Variants in ROCK2 observed in about 807,000 individuals in gnomAD.
ROCK2 encodes rho-associated protein kinase 2.
In ROCK2, 61 loss-of-function variants were observed where a neutral mutation model predicts 195.1. The ratio of observed to expected loss-of-function variants is 0.31; its 90% CI spans 0.25 to 0.39. The LOEUF is 0.39. ROCK2 is among the 10% of genes least tolerant of loss of function. ROCK2 has a pLI of 1.00. For missense variants in ROCK2, 1,109 were observed against 1,637.4 expected (o/e 0.68, Z 5.57); for synonymous variants, 504 against 545.5 (o/e 0.92, Z 1.06).
chr2:11,187,899 G>C (rs1228477932), intron 32 of ROCK2, among the ~76,000 whole-genome samples: 1 of 152,102 alleles, frequency 6.6e-6, no homozygotes, highest in Non-Finnish European at 1.5e-5. Flanking sequence ...GAAGAGCAAA[G>C]ATAAGATAAT....
chr2:11,272,608 A>G (rs1377813900), intron 3 of ROCK2, among the ~76,000 whole-genome samples: 2 of 152,072 alleles, frequency 1.3e-5, no homozygotes, highest in East Asian at 3.9e-4. Context: ...GGCCGGCTGC[A>G]GTGGTTCACG....
Position 11,235,824 on chromosome 2 carries a change from C to A in ROCK2, c.601G>T (p.Ala201Ser), listed in dbSNP as rs1363941468. The change falls in exon 5 of 33, where the codon GCT (alanine) becomes TCT (serine). Residue 201 changes from alanine (A) to serine (S), a missense_variant. Transcript: ENST00000315872. The surrounding 1 kb of genome is among the most constrained non-coding windows in gnomAD (Gnocchi z 4.2). ...CCCATGGAGTGTATTGCATCCAGAG[C>A]AAGAACAACTTCAGCAGTGTAAAAT... ...AKFYTAEVVL[A>S]LDAIHSMGLI... is the part of the protein sequence containing the mutation. The A allele has an allele frequency of 6.2e-7, 1 of 1,613,860 alleles. No individual in the cohort carries two copies. Among genetic ancestry groups the A allele is most frequent in the Non-Finnish European group, 8.5e-7 (1 of 1,179,972 alleles).
At chr2:11,338,763 T>C (rs559427813) in intron 1 of ROCK2, among the ~76,000 whole-genome samples, 7 of 151,728 alleles carry the variant, frequency 4.6e-5, no homozygotes, top group African/African-American at 1.5e-4. Flanking sequence ...AATTCAACAA[T>C]GAGAAAAAGG....
At chr2:11,280,345 C>T (rs544575825) in intron 3 of ROCK2, among the ~76,000 whole-genome samples, 16 of 151,790 alleles carry the variant, frequency 1.1e-4, no homozygotes, top group African/African-American at 1.2e-4. Context: ...AATAAGGGTC[C>T]GGGTGCAGTG....
chr2:11,316,746 T>A (rs1446691304), intron 1 of ROCK2, among the ~76,000 whole-genome samples: 1 of 152,192 alleles, frequency 6.6e-6, no homozygotes, highest in Non-Finnish European at 1.5e-5. Flanking sequence ...ATTATTGACA[T>A]GCTTAGGTTC....
chr2:11,261,059 A>G (rs1455516853), intron 3 of ROCK2, among the ~76,000 whole-genome samples: 2 of 152,238 alleles, frequency 1.3e-5, no homozygotes, highest in Non-Finnish European at 2.9e-5. Context: ...CAACAAAATC[A>G]TATATCTGTA....
chr2:11,192,057 AAACT>A lies in ROCK2; in HGVS notation c.4163+87_4163+90del. ...GTTAACTAAAATACAAAGCAAAGGAAAACTAATTAGGAAAATTTGTAGTTTGAAC... is the reference window on the plus strand; with the variant it reads ...GTTAACTAAAATACAAAGCAAAGGAAAATTAGGAAAATTTGTAGTTTGAAC... On this transcript the variant is annotated intron_variant, in intron 32 of 32. Coordinates refer to ENST00000315872, the MANE Select transcript of ROCK2 (RefSeq NM_004850.5). This position sits in a 1 kb window ranked among gnomAD's most constrained non-coding sequence, Gnocchi z 5.0. The A allele has an allele frequency of 1.1e-6, 1 of 925,376 alleles. No individual in the cohort carries two copies. Among genetic ancestry groups the A allele is most frequent in the South Asian group, 1.7e-5 (1 of 58,774 alleles). The allele number at this position is 925,376 out of a possible 1,614,324, so 57.3% of individuals were successfully genotyped here.
At chr2:11,244,108 C>T (rs1431843576) in intron 4 of ROCK2, among the ~76,000 whole-genome samples, 1 of 152,130 alleles carries the variant, frequency 6.6e-6, no homozygotes, top group East Asian at 1.9e-4. Context: ...TAATTGTGGA[C>T]CCCAGTTGAG....
intron 3 of ROCK2, among the ~76,000 whole-genome samples, chr2:11,271,862 C>T (rs1666642522): frequency 6.6e-6 from 1 of 151,886 alleles, no homozygotes; most frequent in African/African-American, 2.4e-5. Flanking sequence ...CCCGTCTCTA[C>T]TAAAAAAATT....
In ROCK2 at chr2:11,218,952, A is replaced by C. The variant is rs1664526315; in HGVS notation, c.1320+14T>G. 7.2e-7 allele frequency: 1 copy of C among 1,390,328 alleles called. No homozygotes were observed. Among genetic ancestry groups the C allele is most frequent in the Middle Eastern group, 2.0e-4 (1 of 5,022 alleles). The allele number at this position is 1,390,328 out of a possible 1,614,324, so 86.1% of individuals were successfully genotyped here. ...GAAACTAAAATAACTACAGCAGTAAAAATGTATACGTACTTCATTTTTCCT... is the reference window on the plus strand; with the variant it reads ...GAAACTAAAATAACTACAGCAGTAACAATGTATACGTACTTCATTTTTCCT... On this transcript the variant is annotated intron_variant, in intron 10 of 32. Transcript: ENST00000315872.
At chr2:11,271,459 C>CTG (rs1343093194) in intron 3 of ROCK2, among the ~76,000 whole-genome samples, 1 of 152,192 alleles carries the variant, frequency 6.6e-6, no homozygotes, top group Non-Finnish European at 1.5e-5. Context: ...CTTATGAATC[C>CTG]TGGATCTTAT....
In ROCK2 at chr2:11,285,795, C is replaced by A. The variant is rs573996636; in HGVS notation, c.324+744G>T. ...TGAGCCAAGATTGTGCCACTGCACT[C>A]CAGCCTCAGTGACAAAGCAAGACCC... is the stretch of plus-strand genomic sequence containing the variant. On this transcript the variant is annotated intron_variant, in intron 3 of 32. Transcript: ENST00000315872. Among the ~76,000 whole-genome samples, 35 of 152,010 alleles carry A rather than the reference C, an allele frequency of 2.3e-4. 1 individual carries two copies. In the South Asian group the frequency reaches 7.3e-3, roughly 32 times the overall value.
At position 11,219,861 on chromosome 2, in the gene ROCK2, CT is replaced by C. The variant is rs11437412; in HGVS notation, c.1260-836del. Among the ~76,000 whole-genome samples, 952 of 134,706 alleles carry C rather than the reference CT, an allele frequency of 7.1e-3. 8 individuals carry two copies. Among genetic ancestry groups the C allele is most frequent in the African/African-American group, 0.021 (767 of 36,500 alleles). The allele number at this position is 134,706 out of a possible 152,430, so 88.4% of individuals were successfully genotyped here. On this transcript the variant is annotated intron_variant, in intron 9 of 32. Coordinates refer to ENST00000315872, the MANE Select transcript of ROCK2 (RefSeq NM_004850.5). Reference sequence around the variant, plus strand: ...GTTGATTATTCTTCCCCAAAACTCACTTTTTTTTTTTTTTTTTTTAAGACAT... The same window carrying C: ...GTTGATTATTCTTCCCCAAAACTCACTTTTTTTTTTTTTTTTTTAAGACAT...
chr2:11,312,901 T>C (rs1337951090), intron 1 of ROCK2, among the ~76,000 whole-genome samples: 1 of 152,102 alleles, frequency 6.6e-6, no homozygotes, highest in African/African-American at 2.4e-5. Context: ...ATTCCATTTA[T>C]ATGACATTCT....
chr2:11,194,931 C>T (rs1157143836), intron 28 of ROCK2, 24 bp downstream of exon 28: 2 of 1,404,536 alleles, frequency 1.4e-6, no homozygotes, highest in African/African-American at 1.4e-5. Flanking sequence ...AAACAAAAGG[C>T]TCATATTCCA....
intron 4 of ROCK2, among the ~76,000 whole-genome samples, chr2:11,242,136 A>G (rs1258685318): frequency 6.6e-6 from 1 of 152,156 alleles, no homozygotes; most frequent in Non-Finnish European, 1.5e-5. Context: ...TCTGTTGTTT[A>G]TAAGCTACCT....
At position 11,317,619 on chromosome 2, in the gene ROCK2, T is replaced by A. The variant is rs1370834974; in HGVS notation, c.141+26377A>T. 6.6e-4 allele frequency among the ~76,000 whole-genome samples: 36 copies of A among 54,796 alleles called. 1 individual carries two copies. Among genetic ancestry groups the A allele is most frequent in the African/African-American group, 1.3e-3 (26 of 20,602 alleles). The allele number at this position is 54,796 out of a possible 152,430, so 35.9% of individuals were successfully genotyped here. A position where few individuals can be genotyped will look rare whatever the true frequency, so the allele number is the denominator to read the frequency against. ...ATATATATATATATATATATTTTTT[T>A]TTTTTTTTAATTATACTTTAAGTTC... On this transcript the variant is annotated intron_variant, in intron 1 of 32. Transcript: ENST00000315872.
At chr2:11,306,328 AC>A (rs1421156834) in intron 1 of ROCK2, among the ~76,000 whole-genome samples, 2 of 152,238 alleles carry the variant, frequency 1.3e-5, no homozygotes, top group African/African-American at 4.8e-5. Context: ...CCAAGTCTTC[AC>A]TTAAAAGTAA....
At chr2:11,236,088 T>C in intron 4 of ROCK2, 126 bp from the exon 5 acceptor site, 1 of 866,616 alleles carries the variant, frequency 1.2e-6, no homozygotes, top group Non-Finnish European at 1.6e-6. Context: ...AAAACTAAAA[T>C]TTATGAGATC....
Sources: gnomAD v4.1 joint callset for allele counts (sites outside exome capture counted in the v4.1 genomes callset) on GRCh38, gnomAD v4.1.1 for gene constraint, Gnocchi (gnomAD v3.1) non-coding constraint, MANE v1.5 for transcripts, NCBI Gene and HGNC (gene_info 2026-07-23, HGNC 2026-07-21) for gene names.